Variants in CCSAP observed in about 807,000 individuals in gnomAD.
The protein encoded by CCSAP is centriole, cilia and spindle associated protein.
CCSAP carries 17 observed loss-of-function variants against 25.9 expected under a neutral mutation model. The observed-to-expected ratio is 0.66, with a 90% CI of 0.45 to 0.99. The LOEUF is 0.99. CCSAP is among the 50% of genes least tolerant of loss of function. The probability of loss-of-function intolerance (pLI) is 0.00; values close to 1 mark genes in which losing one functional copy is unlikely to be tolerated. For synonymous variants in CCSAP, 169 were observed against 157.1 expected, an observed-to-expected ratio of 1.08 and a Z score of -0.57; for missense variants, 339 against 367.8, an observed-to-expected ratio of 0.92 and a Z score of 0.64.
At chr1:229,325,848 G>A (rs993333715) in intron 3 of CCSAP, among the ~76,000 whole-genome samples, 1 of 152,184 alleles carries the variant, frequency 6.6e-6, no homozygotes, top group Non-Finnish European at 1.5e-5. Flanking sequence ...CACCTAAGAT[G>A]TCTTATACTA....
chr1:229,337,678 A>AATATAT lies in CCSAP; in HGVS notation c.367+4415_367+4420dup, dbSNP rs60399703. On this transcript the variant is annotated intron_variant, in intron 2 of 3. Transcript: ENST00000284617. ...GAACAAGATCAAAGGCTCAAAAAAA[A>AATATAT]ATATATATATATATATATATACACA... Among the ~76,000 whole-genome samples the AATATAT allele has an allele frequency of 7.2e-4, 47 of 65,474 alleles. 5 individuals carry two copies. The highest frequency in any genetic ancestry group is 2.0e-3 in the African/African-American group (34 of 16,634). 43.0% of individuals were successfully genotyped at this position (65,474 alleles called of 152,430 possible).
intron 2 of CCSAP, among the ~76,000 whole-genome samples, chr1:229,335,922 G>C (rs1005173834): frequency 6.6e-6 from 1 of 151,210 alleles, no homozygotes; most frequent in African/African-American, 2.4e-5. Context: ...AAATATTCGG[G>C]AAAAATAAAT....
At chr1:229,332,279 G>T (rs1658086491) in intron 2 of CCSAP, among the ~76,000 whole-genome samples, 1 of 152,148 alleles carries the variant, frequency 6.6e-6, no homozygotes, top group Non-Finnish European at 1.5e-5. Flanking sequence ...AGTTCCCAAG[G>T]CCTCGACTTT....
At chr1:229,327,436 C>T (rs970501920) in intron 2 of CCSAP, 1 of 434,014 alleles carries the variant, frequency 2.3e-6, no homozygotes, top group Non-Finnish European at 4.7e-6. Context: ...AGTTACTCCA[C>T]CCGAAAATGC....
In CCSAP at chr1:229,325,419, G is replaced by T. The variant is rs755918335; in HGVS notation, c.637-8C>A. The T allele has an allele frequency of 1.2e-6, 2 of 1,609,382 alleles. No individual in the cohort carries two copies. Among genetic ancestry groups the T allele is most frequent in the Non-Finnish European group, 1.7e-6 (2 of 1,178,764 alleles). The stretch of plus-strand genomic sequence containing the variant: ...TAATGCTGATTCATGAATCTAAAGA[G>T]AGTTCAAAATAAAGGATAGTAACTT... On this transcript the variant is annotated splice_region_variant and splice_polypyrimidine_tract_variant and intron_variant, in intron 3 of 3. Coordinates refer to ENST00000284617, the MANE Select transcript of CCSAP (RefSeq NM_145257.5).
intron 2 of CCSAP, among the ~76,000 whole-genome samples, chr1:229,335,171 T>C (rs1202993047): frequency 6.6e-6 from 1 of 151,778 alleles, no homozygotes; most frequent in East Asian, 1.9e-4. Flanking sequence ...AATAAAAAAA[T>C]AGCCAGGTAT....
At chr1:229,332,195 A>G (rs1010885704) in intron 2 of CCSAP, among the ~76,000 whole-genome samples, 1 of 152,138 alleles carries the variant, frequency 6.6e-6, no homozygotes, top group African/African-American at 2.4e-5. Flanking sequence ...CCTGAGTTCT[A>G]TGAGCCACTC....
intron 2 of CCSAP, among the ~76,000 whole-genome samples, chr1:229,337,238 G>T (rs973819159): frequency 1.3e-5 from 2 of 151,712 alleles, no homozygotes; most frequent in Non-Finnish European, 2.9e-5. Flanking sequence ...AAGATATAAA[G>T]AATCTCCTAA....
intron 2 of CCSAP, among the ~76,000 whole-genome samples, chr1:229,327,712 C>CAA (rs1296292318): frequency 6.9e-6 from 1 of 144,636 alleles, no homozygotes; most frequent in African/African-American, 2.5e-5. Context: ...TACTAAAATA[C>CAA]AAAAAAAAAA....
rs997925442 is a variant in CCSAP at position 229,342,682 on chromosome 1, G to A, written c.-48-169C>T. ...CCTCACCCGGCGGCCGGGACCAAGA[G>A]CAGAGGCGGGGACCGGGGCTGCTGG... On this transcript the variant is annotated intron_variant, in intron 1 of 3. Transcript: ENST00000284617. This position sits in a 1 kb window ranked among gnomAD's most constrained non-coding sequence, Gnocchi z 7.5. 3.3e-5 allele frequency among the ~76,000 whole-genome samples: 5 copies of A among 152,058 alleles called. No homozygotes were observed. The highest frequency in any genetic ancestry group is 1.3e-4 in the Admixed American group (2 of 15,274).
At chr1:229,334,935 G>A (rs1658162909) in intron 2 of CCSAP, among the ~76,000 whole-genome samples, 1 of 152,140 alleles carries the variant, frequency 6.6e-6, no homozygotes, top group Non-Finnish European at 1.5e-5. Context: ...CAACTGAAGA[G>A]GTAAAAATGG....
At chr1:229,337,678 A>AAAAAAAAAAAAAATATATATAT in intron 2 of CCSAP, among the ~76,000 whole-genome samples, 3 of 65,506 alleles carry the variant, frequency 4.6e-5, no homozygotes, top group Non-Finnish European at 6.2e-5. Flanking sequence ...CTCAAAAAAA[A>AAAAAAAAAAAAAATATATATAT]ATATATATAT....
chr1:229,326,963 G>C lies in CCSAP; in HGVS notation c.411C>G (p.Thr137=), dbSNP rs1346878484. The change falls in exon 3 of 4, where the codon ACC becomes ACG. Residue 137 remains threonine, a synonymous_variant. Transcript: ENST00000284617. ...KDVEDKPEQQ[T]RTRETDKSPT... is the part of the protein sequence containing the mutation. ...GTGATTTGTCAGTCTCTCTTGTTCT[G>C]GTTTGTTGTTCAGGTTTATCTTCTA... The C allele has an allele frequency of 6.2e-7, 1 of 1,613,822 alleles. No homozygotes were observed. The highest frequency in any genetic ancestry group is 8.5e-7 in the Non-Finnish European group (1 of 1,179,846).
rs1191110830 is a variant in CCSAP, at chr1:229,342,504, T to C, written c.-39A>G. The C allele has an allele frequency of 3.1e-6, 4 of 1,298,040 alleles. No individual in the cohort carries two copies. In the African/African-American group the frequency reaches 6.1e-5, roughly 20 times the overall value. 80.4% of individuals were successfully genotyped at this position (1,298,040 alleles called of 1,614,324 possible). A position where few individuals can be genotyped will look rare whatever the true frequency, so the allele number is the denominator to read the frequency against. ...GCCTCGAGCGCCAGCCGCTCCTCGC[T>C]GCCCGCAGCCTACGGGACCCGGTAC... On this transcript the variant is annotated 5_prime_UTR_variant, in exon 2 of 4. Transcript: ENST00000284617. The surrounding 1 kb of genome is among the most constrained non-coding windows in gnomAD (Gnocchi z 7.5).
chr1:229,336,586 C>T (rs753217788), intron 2 of CCSAP, among the ~76,000 whole-genome samples: 5 of 152,076 alleles, frequency 3.3e-5, no homozygotes, highest in Admixed American at 6.5e-5. Flanking sequence ...GGGTCCTCAG[C>T]CAATTACAGA....
intron 2 of CCSAP, among the ~76,000 whole-genome samples, chr1:229,333,176 T>TA (rs1186160223): frequency 6.6e-6 from 1 of 152,194 alleles, no homozygotes; most frequent in East Asian, 1.9e-4. Context: ...CTCACGCCTA[T>TA]AATCCCAGCA....
Position 229,342,553 on chromosome 1 carries a change from C to G in CCSAP, c.-48-40G>C. 1 of 910,240 alleles carries G rather than the reference C, an allele frequency of 1.1e-6. No individual in the cohort carries two copies. Among genetic ancestry groups the G allele is most frequent in the Non-Finnish European group, 1.4e-6 (1 of 692,430 alleles). 56.4% of individuals were successfully genotyped at this position (910,240 alleles called of 1,614,324 possible). On this transcript the variant is annotated intron_variant, in intron 1 of 3. Coordinates refer to ENST00000284617, the MANE Select transcript of CCSAP (RefSeq NM_145257.5). This position sits in a 1 kb window ranked among gnomAD's most constrained non-coding sequence, Gnocchi z 7.5. Reference sequence around the variant, plus strand: ...ACACGACACAGAGGCCGCCCCGCCCCTCCGCCGGCCCTGCCCGCCGCGACG... The same window carrying G: ...ACACGACACAGAGGCCGCCCCGCCCGTCCGCCGGCCCTGCCCGCCGCGACG...
At chr1:229,339,965 A>G (rs1658291960) in intron 2 of CCSAP, among the ~76,000 whole-genome samples, 1 of 152,196 alleles carries the variant, frequency 6.6e-6, no homozygotes. Flanking sequence ...AAAAAAAACA[A>G]TCACATGTCA....
At chr1:229,338,042 A>G (rs1446743981) in intron 2 of CCSAP, among the ~76,000 whole-genome samples, 1 of 152,192 alleles carries the variant, frequency 6.6e-6, no homozygotes, top group Non-Finnish European at 1.5e-5. Flanking sequence ...TCACCTGCAA[A>G]TATCTACACA....
Sources: allele counts gnomAD v4.1 joint callset (sites outside exome capture counted in the v4.1 genomes callset), GRCh38; gene constraint gnomAD v4.1.1; non-coding constraint Gnocchi (gnomAD v3.1); transcripts MANE v1.5; gene names NCBI Gene and HGNC (gene_info 2026-07-23, HGNC 2026-07-21).